Variants in MAP4K2 observed in about 807,000 individuals in gnomAD.
The protein encoded by MAP4K2 is mitogen-activated protein kinase kinase kinase kinase 2.
Under a neutral mutation model 125.3 loss-of-function variants are expected in MAP4K2, and 85 were observed. That is an observed-to-expected ratio of 0.68 (90% CI 0.57 to 0.81). MAP4K2 has a LOEUF of 0.81. MAP4K2 is among the 40% of genes least tolerant of loss of function. The probability of loss-of-function intolerance (pLI) is 0.00; values close to 1 mark genes in which losing one functional copy is unlikely to be tolerated. For missense variants in MAP4K2, 923 were observed against 1,056.4 expected (o/e 0.87, Z 1.75); for synonymous variants, 479 against 445.1 (o/e 1.08, Z -0.96).
At chr11:64,796,168 G>A (rs1940782842) in intron 24 of MAP4K2, 105 bp downstream of exon 24, 1 of 1,049,526 alleles carries the variant, frequency 9.5e-7, no homozygotes, top group Non-Finnish European at 1.4e-6. Context: ...CGCTCAGAGA[G>A]ACAACACGTC....
Position 64,798,341 on chromosome 11 carries a change from T to C in MAP4K2, c.1097+453A>G, listed in dbSNP as rs544406735. On this transcript the variant is annotated intron_variant, in intron 15 of 31. Coordinates refer to ENST00000294066, the MANE Select transcript of MAP4K2 (RefSeq NM_004579.5). ...CCACCACACCGGCTAATTTTTTCTA[T>C]TTTTACTAGAGACGGGCTTTCACCA... 2.0e-5 allele frequency among the ~76,000 whole-genome samples: 3 copies of C among 151,924 alleles called. No individual in the cohort carries two copies. The South Asian group carries it at 6.2e-4, about 32-fold the overall frequency.
Position 64,792,050 on chromosome 11 carries a change from G to A in MAP4K2, c.1951C>T (p.Leu651=). The A allele has an allele frequency of 6.3e-7, 1 of 1,594,442 alleles. No homozygotes were observed. The change falls in exon 27 of 32, where the codon CTG becomes TTG. Residue 651 remains leucine (L), a synonymous_variant. Coordinates refer to ENST00000294066, the MANE Select transcript of MAP4K2 (RefSeq NM_004579.5). The part of the protein sequence containing the change: ...SSPLPSPAGM[L]EPLVLDGKEL... Reference sequence around the variant, plus strand: ...TTCCCATCCAGCACCAGCGGCTCCAGCATCCCAGCTGGGCTGGGCAGAGGG... The same window carrying A: ...TTCCCATCCAGCACCAGCGGCTCCAACATCCCAGCTGGGCTGGGCAGAGGG...
chr11:64,797,761 A>G, intron 15 of MAP4K2, 97 bp from the exon 16 acceptor site: 1 of 1,215,366 alleles, frequency 8.2e-7, no homozygotes, highest in Non-Finnish European at 1.1e-6. Context: ...GCCGGAGTGC[A>G]GTGGCGCAAT....
chr11:64,799,714 C>T, intron 12 of MAP4K2, 31 bp from the exon 13 acceptor site: 2 of 1,588,470 alleles, frequency 1.3e-6, no homozygotes, highest in Non-Finnish European at 1.7e-6. Flanking sequence ...TGTGGACACA[C>T]CTGGCACGCG....
intron 24 of MAP4K2, among the ~76,000 whole-genome samples, chr11:64,795,309 C>G (rs1940729028): frequency 6.6e-6 from 1 of 152,012 alleles, no homozygotes; most frequent in South Asian, 2.1e-4. Flanking sequence ...GTCGTAAACT[C>G]CTGACCTCAT....
rs369756274 is a variant in MAP4K2 at position 64,800,751 on chromosome 11, G to T, written c.725+13C>A. The T allele has an allele frequency of 3.8e-6, 6 of 1,595,978 alleles. No homozygotes were observed. The African/African-American group carries it at 5.4e-5, about 14-fold the overall frequency. On this transcript the variant is annotated intron_variant, in intron 10 of 31. Coordinates refer to ENST00000294066, the MANE Select transcript of MAP4K2 (RefSeq NM_004579.5). The stretch of plus-strand genomic sequence containing the variant: ...CAGAAAAGGGGGTCCCGGCAGCAGG[G>T]TGTGGCCCTTACCAGCGAGTCTTAT...
chr11:64,798,416 G>T (rs190626275), intron 15 of MAP4K2, among the ~76,000 whole-genome samples: 1 of 150,882 alleles, frequency 6.6e-6, no homozygotes, highest in Non-Finnish European at 1.5e-5. Flanking sequence ...CGCCCACCTC[G>T]GCCTCCCAAA....
At chr11:64,796,201 A>C in intron 24 of MAP4K2, 72 bp downstream of exon 24, 1 of 1,351,368 alleles carries the variant, frequency 7.4e-7, no homozygotes, top group East Asian at 2.4e-5. Flanking sequence ...AATCCCAGGA[A>C]CTGGCAAGGC....
Position 64,800,094 on chromosome 11 carries a change from GCCC to G in MAP4K2, c.915+12_915+14del. The G allele has an allele frequency of 6.3e-7, 1 of 1,574,986 alleles. No homozygotes were observed. The highest frequency in any genetic ancestry group is 8.6e-7 in the Non-Finnish European group (1 of 1,158,334). ...AGACCAGCCCAAGACTCACTTTCCA[GCCC>G]CCCTCACCTACCTCCAGCTCACAGT... is the stretch of plus-strand genomic sequence containing the variant. On this transcript the variant is annotated intron_variant, in intron 12 of 31. Coordinates refer to ENST00000294066, the MANE Select transcript of MAP4K2 (RefSeq NM_004579.5).
chr11:64,796,759 C>A (rs1297748391), intron 21 of MAP4K2, 46 bp from the exon 22 acceptor site: 1 of 1,613,660 alleles, frequency 6.2e-7, no homozygotes. Flanking sequence ...GGCCCCTGGC[C>A]CAAGCTGAGG....
intron 15 of MAP4K2, among the ~76,000 whole-genome samples, chr11:64,798,290 T>C (rs1463823031): frequency 6.6e-6 from 1 of 152,006 alleles, no homozygotes; most frequent in Non-Finnish European, 1.5e-5. Flanking sequence ...CTTAGCCTCC[T>C]GAGTAGCTGG....
Position 64,797,313 on chromosome 11 carries a change from G to C in MAP4K2, c.1238C>G (p.Thr413Ser), listed in dbSNP as rs1197707543. 2 of 1,602,476 alleles carry C rather than the reference G, an allele frequency of 1.2e-6. No individual in the cohort carries two copies. Among genetic ancestry groups the C allele is most frequent in the East Asian group, 2.3e-5 (1 of 44,424 alleles). Residue 413 changes from threonine to serine, a missense_variant, in exon 18 of 32, where the codon ACT becomes AGT. Thr to Ser is a moderately conservative substitution (Grantham distance 58). Transcript: ENST00000294066. ...KRAPFLGPLP[T>S]DPPAEEPLSS... ...CAGAGGCTCCTCTGCTGGAGGGTCA[G>C]TGGGGAGTGGCCCTAGGAACGGGGC...
At chr11:64,796,199 G>A in intron 24 of MAP4K2, 74 bp downstream of exon 24, 26 of 1,335,208 alleles carry the variant, frequency 1.9e-5, no homozygotes, top group Non-Finnish European at 2.5e-5. Flanking sequence ...GCAATCCCAG[G>A]AACTGGCAAG....
intron 24 of MAP4K2, among the ~76,000 whole-genome samples, chr11:64,794,896 C>CT (rs1446838984): frequency 6.6e-6 from 1 of 150,404 alleles, no homozygotes; most frequent in Non-Finnish European, 1.5e-5. Flanking sequence ...TTCCCTTTTT[C>CT]TTTTTTTTGA....
chr11:64,797,082 C>T (rs1033298078), intron 19 of MAP4K2, 22 bp downstream of exon 19: 2 of 1,614,016 alleles, frequency 1.2e-6, no homozygotes, highest in Admixed American at 3.3e-5. Flanking sequence ...CGTCTCCCCA[C>T]CCCACTGTAG....
At chr11:64,791,395 G>T (rs1436538381) in intron 27 of MAP4K2, among the ~76,000 whole-genome samples, 2 of 151,944 alleles carry the variant, frequency 1.3e-5, no homozygotes, top group Non-Finnish European at 2.9e-5. Context: ...TTTGTTTTTT[G>T]TTTTGAGATA....
Position 64,792,157 on chromosome 11 carries a change from C to G in MAP4K2, c.1914+15G>C, listed in dbSNP as rs369898358. 1.9e-6 allele frequency: 3 copies of G among 1,598,758 alleles called. No individual in the cohort carries two copies. The highest frequency in any genetic ancestry group is 1.1e-5 in the South Asian group (1 of 88,668). On this transcript the variant is annotated intron_variant, in intron 26 of 31. Transcript: ENST00000294066. Reference sequence around the variant, plus strand: ...GCTCTGAGGGTGCCCTGGGCCTCCCCCCACCGCCCCTCACCTTCAGCAGCA... The same window carrying G: ...GCTCTGAGGGTGCCCTGGGCCTCCCGCCACCGCCCCTCACCTTCAGCAGCA...
intron 12 of MAP4K2, among the ~76,000 whole-genome samples, 191 bp from the exon 13 acceptor site, chr11:64,799,874 CAAG>C (rs993171307): frequency 5.9e-5 from 9 of 152,304 alleles, no homozygotes; most frequent in South Asian, 2.1e-4. Context: ...ACACAGAAAG[CAAG>C]AAAATGGCAC....
rs756132302 is a variant in MAP4K2, at chr11:64,791,952, C to A, written c.2049G>T (p.Leu683=). 1.2e-6 allele frequency: 2 copies of A among 1,605,690 alleles called. No individual in the cohort carries two copies. The highest frequency in any genetic ancestry group is 2.2e-5 in the East Asian group (1 of 44,630). Residue 683 remains leucine (L), a synonymous_variant, in exon 27 of 32, where the codon CTG becomes CTT. Coordinates refer to ENST00000294066, the MANE Select transcript of MAP4K2 (RefSeq NM_004579.5). The part of the protein sequence containing the change: ...GPGCRVLFHV[L]PLEAGLTPDI... ...CGGGCGTCAGGCCAGCCTCCAGGGG[C>A]AGGACATGGAACAGGACGCGGCAGC...
Sources: gnomAD v4.1 joint callset for allele counts (sites outside exome capture counted in the v4.1 genomes callset) on GRCh38, gnomAD v4.1.1 for gene constraint, MANE v1.5 for transcripts, NCBI Gene and HGNC (gene_info 2026-07-23, HGNC 2026-07-21) for gene names.